HTR1F: variants seen among roughly 807,000 people sequenced by gnomAD.
HTR1F encodes the protein 5-hydroxytryptamine receptor 1F.
In HTR1F, 17 loss-of-function variants were observed where a neutral mutation model predicts 24.0. The ratio of observed to expected loss-of-function variants is 0.71; its 90% CI spans 0.48 to 1.06. The LOEUF (loss-of-function observed/expected upper bound fraction) is 1.06, where lower values mean the gene tolerates loss of function less well. HTR1F is among the 50% of genes least tolerant of loss of function. The pLI is 0.00. For missense variants in HTR1F, 391 were observed against 427.8 expected (o/e 0.91, Z 0.76); for synonymous variants, 186 against 156.8 (o/e 1.19, Z -1.39).
At chr3:87,972,245 C>G (rs769835759) in intron 2 of HTR1F, among the ~76,000 whole-genome samples, 1 of 152,116 alleles carries the variant, frequency 6.6e-6, no homozygotes, top group Non-Finnish European at 1.5e-5. Context: ...CAGATTTAGT[C>G]CCATTACCAT....
chr3:87,896,948 C>T (rs1706210834), intron 2 of HTR1F, among the ~76,000 whole-genome samples: 2 of 152,004 alleles, frequency 1.3e-5, no homozygotes, highest in Admixed American at 6.6e-5. Context: ...AACCCTTGTA[C>T]GCTGTTGGTG....
intron 2 of HTR1F, among the ~76,000 whole-genome samples, chr3:87,909,667 A>AT (rs1471439090): frequency 6.6e-6 from 1 of 152,018 alleles, no homozygotes; most frequent in Non-Finnish European, 1.5e-5. Flanking sequence ...ATAGAAGTTT[A>AT]TTTTTTCATT....
chr3:87,879,194 T>C (rs1271862078), intron 2 of HTR1F, among the ~76,000 whole-genome samples: 1 of 152,208 alleles, frequency 6.6e-6, no homozygotes, highest in Non-Finnish European at 1.5e-5. Flanking sequence ...CTAAGTGGAA[T>C]CATGTTGTAT....
chr3:87,965,661 G>C (rs969049506), intron 2 of HTR1F, among the ~76,000 whole-genome samples: 3 of 151,942 alleles, frequency 2.0e-5, no homozygotes, highest in African/African-American at 7.3e-5. Flanking sequence ...ACCTTATTTG[G>C]AACAACTTTT....
intron 2 of HTR1F, among the ~76,000 whole-genome samples, chr3:87,943,871 G>C (rs1227582035): frequency 2.0e-5 from 3 of 152,092 alleles, no homozygotes; most frequent in Non-Finnish European, 2.9e-5. Flanking sequence ...GGGTCAAATT[G>C]ATCCCAGTTC....
intron 2 of HTR1F, among the ~76,000 whole-genome samples, chr3:87,880,707 C>T (rs902818893): frequency 2.0e-5 from 3 of 147,240 alleles, no homozygotes; most frequent in East Asian, 4.0e-4. Context: ...TATGGCGGGG[C>T]GGGGAGAGAG....
At chr3:87,850,550 A>G (rs969891045) in intron 2 of HTR1F, among the ~76,000 whole-genome samples, 2 of 151,920 alleles carry the variant, frequency 1.3e-5, no homozygotes, top group East Asian at 3.9e-4. Context: ...TAGCACATGT[A>G]TACATATGTA....
intron 2 of HTR1F, among the ~76,000 whole-genome samples, chr3:87,869,819 C>T (rs1314022061): frequency 6.6e-6 from 1 of 152,066 alleles, no homozygotes; most frequent in Non-Finnish European, 1.5e-5. Context: ...TCACCCAAAA[C>T]AACCTCTCAG....
At chr3:87,979,833 C>T (rs1384351511) in intron 2 of HTR1F, among the ~76,000 whole-genome samples, 2 of 152,226 alleles carry the variant, frequency 1.3e-5, no homozygotes, top group African/African-American at 2.4e-5. Context: ...GCCCCAGGTG[C>T]CACCTCTGTG....
At chr3:87,988,742 T>C (rs1343970182) in intron 2 of HTR1F, among the ~76,000 whole-genome samples, 1 of 151,664 alleles carries the variant, frequency 6.6e-6, no homozygotes, top group Non-Finnish European at 1.5e-5. Flanking sequence ...ATAATTTTTT[T>C]TTTTTTTTGT....
intron 2 of HTR1F, among the ~76,000 whole-genome samples, chr3:87,900,436 G>T (rs2217495): frequency 0.094 from 14,372 of 152,148 alleles, 2,121 homozygotes; most frequent in African/African-American, 0.32. Flanking sequence ...TCAGGTACTG[G>T]AGAAACCTTT....
intron 1 of HTR1F, among the ~76,000 whole-genome samples, chr3:87,794,226 G>T (rs959351309): frequency 5.3e-5 from 8 of 152,182 alleles, no homozygotes; most frequent in Middle Eastern, 3.4e-3. Flanking sequence ...ATCGCCTCTG[G>T]GCTTGCAGTC....
intron 2 of HTR1F, among the ~76,000 whole-genome samples, chr3:87,951,178 C>G (rs1175606794): frequency 6.6e-6 from 1 of 152,094 alleles, no homozygotes; most frequent in Non-Finnish European, 1.5e-5. Context: ...TATACATGAT[C>G]TCTGTGATTT....
rs143040022 is a variant in HTR1F at position 87,890,287 on chromosome 3, C to T, written c.-43+68163C>T. ...TTATTTTTGCATATATATGTTTGTA[C>T]TTAATCTCAGCAATATACCTGAGGG... On this transcript the variant is annotated intron_variant, in intron 2 of 2. Transcript: ENST00000319595. 2.3e-3 allele frequency among the ~76,000 whole-genome samples: 353 copies of T among 152,270 alleles called. 1 individual carries two copies. The highest frequency in any genetic ancestry group is 3.8e-3 in the Non-Finnish European group (256 of 68,018).
intron 2 of HTR1F, among the ~76,000 whole-genome samples, chr3:87,896,352 G>T (rs1706199220): frequency 6.6e-6 from 1 of 152,216 alleles, no homozygotes; most frequent in Non-Finnish European, 1.5e-5. Flanking sequence ...TTGTCTGAGT[G>T]TCTAATGTGT....
chr3:87,981,102 C>T (rs1705533834), intron 2 of HTR1F, among the ~76,000 whole-genome samples: 1 of 152,234 alleles, frequency 6.6e-6, no homozygotes, highest in Admixed American at 6.5e-5. Context: ...TTCACCTCAC[C>T]TGCCACAGCT....
intron 2 of HTR1F, among the ~76,000 whole-genome samples, chr3:87,943,588 G>C (rs1038267675): frequency 2.0e-5 from 3 of 151,814 alleles, no homozygotes; most frequent in African/African-American, 7.3e-5. Context: ...AGGAGTTGGG[G>C]GGATGCTGGG....
chr3:87,817,144 C>T (rs1317096308), intron 1 of HTR1F, among the ~76,000 whole-genome samples: 1 of 152,086 alleles, frequency 6.6e-6, no homozygotes, highest in Non-Finnish European at 1.5e-5. Context: ...ACTGGATTTC[C>T]TATCTTTATT....
At chr3:87,839,105 G>A (rs1704746067) in intron 2 of HTR1F, among the ~76,000 whole-genome samples, 1 of 148,028 alleles carries the variant, frequency 6.8e-6, no homozygotes, top group Admixed American at 6.8e-5. Flanking sequence ...GATTGCTTGT[G>A]CATTTGGGTT....
Sources: gnomAD v4.1 joint callset for allele counts (sites outside exome capture counted in the v4.1 genomes callset) on GRCh38, gnomAD v4.1.1 for gene constraint, MANE v1.5 for transcripts, NCBI Gene and HGNC (gene_info 2026-07-23, HGNC 2026-07-21) for gene names.